The following EXTL3 variants were observed in gnomAD, a reference collection of about 807,000 sequenced individuals.
EXTL3 encodes the protein exostosin like glycosyltransferase 3, also known as exostosin-like 3.
A neutral mutation model predicts 69.3 loss-of-function variants in EXTL3; 27 were observed. That is an observed-to-expected ratio of 0.39 (90% CI 0.29 to 0.54). The LOEUF is 0.54. Among genes scored for constraint, EXTL3 ranks in the 20% least tolerant of loss-of-function variants. EXTL3 has a pLI of 0.69. For missense variants in EXTL3, 1,003 were observed against 1,231.8 expected, an observed-to-expected ratio of 0.81 and a Z score of 2.78; for synonymous variants, 511 against 499.4, an observed-to-expected ratio of 1.02 and a Z score of -0.31.
chr8:28,621,045 C>T (rs1389798736), upstream of EXTL3, among the ~76,000 whole-genome samples: 1 of 152,180 alleles, frequency 6.6e-6, no homozygotes, highest in Non-Finnish European at 1.5e-5. Flanking sequence ...AGATCATGTA[C>T]ATTACTGTTA....
chr8:28,738,800 A>G (rs559935260), intron 5 of EXTL3, among the ~76,000 whole-genome samples: 1 of 152,200 alleles, frequency 6.6e-6, no homozygotes, highest in East Asian at 1.9e-4. Flanking sequence ...CAGCTGTCAC[A>G]TAAAGTCTCA....
At position 28,750,559 on chromosome 8, in the gene EXTL3, T is replaced by A; in HGVS notation, c.2551-98T>A. ...GATGTTGCCCCTGAGGGGATCAGCG[T>A]CTTCACCATGGACATGGGAGTGTGG... On this transcript the variant is annotated intron_variant, in intron 6 of 6. Coordinates refer to ENST00000220562, the MANE Select transcript of EXTL3 (RefSeq NM_001440.4). The surrounding 1 kb of genome is among the most constrained non-coding windows in gnomAD (Gnocchi z 5.2). 1 of 1,017,528 alleles carries A rather than the reference T, an allele frequency of 9.8e-7. No individual in the cohort carries two copies. The highest frequency in any genetic ancestry group is 1.8e-5 in the Admixed American group (1 of 55,224). 63.0% of individuals were successfully genotyped at this position (1,017,528 alleles called of 1,614,324 possible).
chr8:28,723,066 G>A (rs1801332758), intron 3 of EXTL3, among the ~76,000 whole-genome samples: 1 of 152,200 alleles, frequency 6.6e-6, no homozygotes. Flanking sequence ...CCTCAGGCAA[G>A]AGAGTGGAGA....
chr8:28,730,788 C>G (rs904217359), intron 3 of EXTL3, among the ~76,000 whole-genome samples: 2 of 141,456 alleles, frequency 1.4e-5, no homozygotes, highest in African/African-American at 5.0e-5. Context: ...CCCAAAAAGG[C>G]GTTAGAATTG....
intron 1 of EXTL3, among the ~76,000 whole-genome samples, chr8:28,705,551 G>A (rs1180018909): frequency 6.8e-6 from 1 of 147,228 alleles, no homozygotes; most frequent in Non-Finnish European, 1.5e-5. Flanking sequence ...GTAAGACCCT[G>A]TCTCTTAAAA....
chr8:28,689,339 C>G (rs748989334), intron 1 of EXTL3, among the ~76,000 whole-genome samples: 8 of 152,178 alleles, frequency 5.3e-5, no homozygotes, highest in Non-Finnish European at 1.2e-4. Flanking sequence ...TGGGAACTCT[C>G]TCCCACAGCT....
intron 1 of EXTL3, among the ~76,000 whole-genome samples, chr8:28,667,414 T>C (rs921998183): frequency 8.5e-5 from 13 of 152,340 alleles, no homozygotes; most frequent in Non-Finnish European, 1.8e-4. Flanking sequence ...GAGTCACTGT[T>C]GGCCCCTCCT....
At chr8:28,614,855 T>C (rs761264779) in intron 2 of EXTL3, among the ~76,000 whole-genome samples, 2 of 152,214 alleles carry the variant, frequency 1.3e-5, no homozygotes, top group Non-Finnish European at 2.9e-5. Flanking sequence ...AGGATATGCA[T>C]GTTTGTTACA....
At chr8:28,742,731 CT>C (rs1170200889) in intron 5 of EXTL3, 17,757 of 254,756 alleles carry the variant, frequency 0.07, 8 homozygotes, top group South Asian at 0.11. Context: ...TCTCACTTAT[CT>C]TTTTTTTTTT....
At chr8:28,659,384 T>G (rs1273483187) in intron 1 of EXTL3, among the ~76,000 whole-genome samples, 1 of 152,228 alleles carries the variant, frequency 6.6e-6, no homozygotes, top group Non-Finnish European at 1.5e-5. Context: ...TAAGAACTAC[T>G]ACTGCCTTCA....
chr8:28,690,793 C>T (rs915591440), intron 1 of EXTL3, among the ~76,000 whole-genome samples: 2 of 152,254 alleles, frequency 1.3e-5, no homozygotes, highest in African/African-American at 4.8e-5. Context: ...AGCTGAAATG[C>T]CTTGTGTCGT....
intron 1 of EXTL3, among the ~76,000 whole-genome samples, chr8:28,666,684 T>C (rs1455560147): frequency 6.6e-6 from 1 of 152,228 alleles, no homozygotes; most frequent in Non-Finnish European, 1.5e-5. Context: ...CAAGTGATTC[T>C]TGTGCCTCAG....
At chr8:28,615,763 G>A (rs1215631353) in intron 2 of EXTL3, among the ~76,000 whole-genome samples, 3 of 151,628 alleles carry the variant, frequency 2.0e-5, no homozygotes, top group East Asian at 2.0e-4. Context: ...TAATAGAGAC[G>A]AGGTTTTACC....
At chr8:28,713,663 G>T in intron 2 of EXTL3, 113 bp downstream of exon 2, 2 of 633,446 alleles carry the variant, frequency 3.2e-6, no homozygotes, top group Admixed American at 2.7e-5. Context: ...AGATTCTTTT[G>T]AAAGCAAGAG....
At chr8:28,663,121 G>A (rs938679190) in intron 1 of EXTL3, among the ~76,000 whole-genome samples, 4 of 152,278 alleles carry the variant, frequency 2.6e-5, no homozygotes, top group Middle Eastern at 3.4e-3. Flanking sequence ...TAGGCTTGAG[G>A]GAAAGGAAAA....
At chr8:28,710,614 T>C (rs907020570) in intron 1 of EXTL3, 23 of 78,684 alleles carry the variant, frequency 2.9e-4, no homozygotes, top group Non-Finnish European at 5.6e-4. Context: ...TCTTTCTTTC[T>C]TTTTTTTTTT....
At chr8:28,630,408 T>TA (rs1414856160) in intron 1 of EXTL3, among the ~76,000 whole-genome samples, 1 of 152,134 alleles carries the variant, frequency 6.6e-6, no homozygotes, top group Non-Finnish European at 1.5e-5. Flanking sequence ...ACTAATACAT[T>TA]AACCCACTAA....
At chr8:28,748,490 A>G (rs559719671) in intron 6 of EXTL3, among the ~76,000 whole-genome samples, 1 of 152,324 alleles carries the variant, frequency 6.6e-6, no homozygotes, top group South Asian at 2.1e-4. Flanking sequence ...GAGCTAATAA[A>G]AAGGTAAGAG....
intron 5 of EXTL3, among the ~76,000 whole-genome samples, chr8:28,739,398 C>T (rs1456446320): frequency 1.3e-5 from 2 of 152,094 alleles, no homozygotes; most frequent in African/African-American, 2.4e-5. Context: ...GGGGTCTCAG[C>T]TCATTTTAGC....
Sources: gnomAD v4.1 joint callset for allele counts (sites outside exome capture counted in the v4.1 genomes callset) on GRCh38, gnomAD v4.1.1 for gene constraint, Gnocchi (gnomAD v3.1) non-coding constraint, MANE v1.5 for transcripts, NCBI Gene and HGNC (gene_info 2026-07-23, HGNC 2026-07-21) for gene names.